Variants in CAV1 observed in about 807,000 individuals in gnomAD.
The protein encoded by CAV1 is caveolin 1.
A neutral mutation model predicts 16.5 loss-of-function variants in CAV1; 10 were observed. The ratio of observed to expected loss-of-function variants is 0.61; its 90% CI spans 0.37 to 1.03. The LOEUF (loss-of-function observed/expected upper bound fraction) is 1.03. CAV1 is among the 50% of genes least tolerant of loss of function. The pLI, the probability that CAV1 is intolerant of heterozygous loss-of-function variation, is 0.01. For synonymous variants in CAV1, 76 were observed against 85.1 expected, an observed-to-expected ratio of 0.89 and a Z score of 0.59; for missense variants, 212 against 232.8, an observed-to-expected ratio of 0.91 and a Z score of 0.58.
At position 116,531,001 on chromosome 7, in the gene CAV1, T is replaced by C. The variant is rs111778957; in HGVS notation, c.195+4312T>C. The stretch of plus-strand genomic sequence containing the variant: ...GATGTGAAATGAAGACAATGCGAAG[T>C]GGCATTGTGGATCGAAACATACATG... On this transcript the variant is annotated intron_variant, in intron 2 of 2. Coordinates refer to ENST00000341049, the MANE Select transcript of CAV1 (RefSeq NM_001753.5). Among the ~76,000 whole-genome samples the C allele has an allele frequency of 2.3e-3, 350 of 152,348 alleles. 3 individuals carry two copies. Among genetic ancestry groups the C allele is most frequent in the African/African-American group, 7.8e-3 (325 of 41,590 alleles).
chr7:116,557,860 T>C (rs758355048), intron 2 of CAV1, among the ~76,000 whole-genome samples: 17 of 152,138 alleles, frequency 1.1e-4, no homozygotes, highest in Non-Finnish European at 2.4e-4. Context: ...ACTGCATCGA[T>C]TGTGGCTACA....
chr7:116,526,266 C>T (rs1793555821), intron 1 of CAV1: 5 of 1,248,038 alleles, frequency 4.0e-6, no homozygotes, highest in South Asian at 1.6e-5. Flanking sequence ...CCCCTGGCGG[C>T]GGGCGGGGGA....
At chr7:116,540,220 C>G (rs1687307969) in intron 2 of CAV1, among the ~76,000 whole-genome samples, 1 of 152,130 alleles carries the variant, frequency 6.6e-6, no homozygotes, top group Admixed American at 6.5e-5. Flanking sequence ...TCTCAGATCT[C>G]TTTTCAGGAA....
chr7:116,559,614 G>GAAAA lies in CAV1; in HGVS notation c.*338_*341dup. The GAAAA allele has an allele frequency of 7.7e-6, 3 of 387,684 alleles. No individual in the cohort carries two copies. The highest frequency in any genetic ancestry group is 7.3e-5 in the South Asian group (1 of 13,774). The allele number at this position is 387,684 out of a possible 1,614,324, so 24.0% of individuals were successfully genotyped here. On this transcript the variant is annotated 3_prime_UTR_variant, in exon 3 of 3. Transcript: ENST00000341049. ...GAGAGAAATATGAAGAACTGAGGAG[G>GAAAA]AAAAAAAAAAAAAAGAAAAGAACCA...
chr7:116,557,037 C>T (rs993868096), intron 2 of CAV1, among the ~76,000 whole-genome samples: 27 of 152,308 alleles, frequency 1.8e-4, no homozygotes, highest in African/African-American at 6.0e-4. Context: ...ATAATTTGCA[C>T]AGAAACTTCA....
chr7:116,556,037 A>T (rs1032156483), intron 2 of CAV1, among the ~76,000 whole-genome samples: 4 of 152,214 alleles, frequency 2.6e-5, no homozygotes, highest in African/African-American at 9.6e-5. Context: ...CCACCCCTGG[A>T]GACCTGCTCT....
chr7:116,551,017 G>A (rs1181962994), intron 2 of CAV1, among the ~76,000 whole-genome samples: 1 of 152,218 alleles, frequency 6.6e-6, no homozygotes, highest in Admixed American at 6.5e-5. Flanking sequence ...GCTGTCAGGA[G>A]TGGAGGAGAA....
chr7:116,546,309 C>T (rs544597858), intron 2 of CAV1, among the ~76,000 whole-genome samples: 7 of 152,110 alleles, frequency 4.6e-5, no homozygotes, highest in African/African-American at 7.2e-5. Context: ...CATGTGGACG[C>T]GAGAGATGGC....
chr7:116,555,484 A>AAAAGAAAGAAAG (rs1232983304), intron 2 of CAV1, among the ~76,000 whole-genome samples: 151 of 6,092 alleles, frequency 0.025, 35 homozygotes, highest in Middle Eastern at 0.056. Context: ...AGGAGGAAAG[A>AAAAGAAAGAAAG]AAAGAAAGAA....
At chr7:116,543,604 G>A (rs1236233884) in intron 2 of CAV1, among the ~76,000 whole-genome samples, 2 of 152,118 alleles carry the variant, frequency 1.3e-5, no homozygotes, top group Non-Finnish European at 2.9e-5. Flanking sequence ...AAACTTTCAG[G>A]TTTGGGTTTT....
chr7:116,558,859 C>T, intron 2 of CAV1, 87 bp from the exon 3 acceptor site: 1 of 969,104 alleles, frequency 1.0e-6, no homozygotes, highest in Middle Eastern at 2.3e-4. Context: ...AATGCTAATA[C>T]AGTATATGTC....
chr7:116,527,828 T>C lies in CAV1; in HGVS notation c.195+1139T>C, dbSNP rs556946185. 2.0e-5 allele frequency among the ~76,000 whole-genome samples: 3 copies of C among 152,082 alleles called. No individual in the cohort carries two copies. The South Asian group carries it at 6.2e-4, about 32-fold the overall frequency. On this transcript the variant is annotated intron_variant, in intron 2 of 2. Coordinates refer to ENST00000341049, the MANE Select transcript of CAV1 (RefSeq NM_001753.5). ...ACAAACCGTTTACATTCATGAATAA[T>C]ATATTTCAAAAGGGGAAACAGTTTA...
At chr7:116,558,798 A>T in intron 2 of CAV1, 148 bp from the exon 3 acceptor site, 4 of 667,374 alleles carry the variant, frequency 6.0e-6, no homozygotes, top group Non-Finnish European at 1.1e-5. Context: ...GTTCCAAGTG[A>T]TGCTGATGCT....
chr7:116,548,082 C>T (rs1024388656), intron 2 of CAV1, among the ~76,000 whole-genome samples: 5 of 152,168 alleles, frequency 3.3e-5, no homozygotes, highest in African/African-American at 1.2e-4. Flanking sequence ...AGAATGAAGC[C>T]TAAGGTATCC....
chr7:116,526,865 G>A (rs2115933280), intron 2 of CAV1, 176 bp downstream of exon 2: 1 of 683,950 alleles, frequency 1.5e-6, no homozygotes, highest in East Asian at 2.7e-5. Flanking sequence ...GCAGTCGGCA[G>A]AAACGTTACA....
intron 2 of CAV1, among the ~76,000 whole-genome samples, chr7:116,547,838 C>G: frequency 6.6e-6 from 1 of 152,258 alleles, no homozygotes; most frequent in Non-Finnish European, 1.5e-5. Context: ...AGCAACAACC[C>G]TAAGATATAG....
At chr7:116,541,178 CT>C (rs1386761877) in intron 2 of CAV1, among the ~76,000 whole-genome samples, 1 of 152,128 alleles carries the variant, frequency 6.6e-6, no homozygotes, top group East Asian at 1.9e-4. Flanking sequence ...TAGGTTCCTG[CT>C]TTGATCTTAA....
chr7:116,525,900 A>C (rs931098504), intron 1 of CAV1: 29 of 936,476 alleles, frequency 3.1e-5, no homozygotes, highest in Non-Finnish European at 3.6e-5. Flanking sequence ...CGGATTGAGC[A>C]GGGAGAGCCG....
intron 2 of CAV1, among the ~76,000 whole-genome samples, chr7:116,538,954 A>G (rs1793882077): frequency 1.3e-5 from 2 of 152,218 alleles, no homozygotes; most frequent in African/African-American, 2.4e-5. Context: ...AACCGCCACC[A>G]TGATTCAATT....
Sources: allele counts gnomAD v4.1 joint callset (sites outside exome capture counted in the v4.1 genomes callset), GRCh38; gene constraint gnomAD v4.1.1; transcripts MANE v1.5; gene names NCBI Gene and HGNC (gene_info 2026-07-23, HGNC 2026-07-21).